GABRA4: variants seen among roughly 807,000 people sequenced by gnomAD.
The protein encoded by GABRA4 is gamma-aminobutyric acid receptor subunit alpha-4.
Under a neutral mutation model 49.7 loss-of-function variants are expected in GABRA4, and 12 were observed. The ratio of observed to expected loss-of-function variants is 0.24; its 90% confidence interval spans 0.15 to 0.39. GABRA4 has a LOEUF of 0.39. GABRA4 is among the 10% of genes least tolerant of loss of function. The pLI, the probability that GABRA4 is intolerant of heterozygous loss-of-function variation, is 1.00. For missense variants in GABRA4, 506 were observed against 686.0 expected (o/e 0.74, Z 2.93); for synonymous variants, 288 against 240.2 (o/e 1.20, Z -1.84).
chr4:46,990,609 A>G (rs1723709891), intron 2 of GABRA4, among the ~76,000 whole-genome samples: 1 of 151,900 alleles, frequency 6.6e-6, no homozygotes, highest in Non-Finnish European at 1.5e-5. Context: ...TACTTTTCTT[A>G]TTTTTTTTCT....
chr4:46,983,118 T>C (rs1278076262), intron 2 of GABRA4, among the ~76,000 whole-genome samples: 1 of 152,068 alleles, frequency 6.6e-6, no homozygotes, highest in Non-Finnish European at 1.5e-5. Context: ...GATTAAATAA[T>C]GTATGACAGA....
rs1721269172 is a variant in GABRA4, at chr4:46,927,501, C to G, written c.*724G>C. ...AGTTTCTAGCATAGTTCCTGGAACA[C>G]AGTAGGCTCTGAATAACTATGTAGT... On this transcript the variant is annotated 3_prime_UTR_variant, in exon 9 of 9. Coordinates refer to ENST00000264318, the MANE Select transcript of GABRA4 (RefSeq NM_000809.4). 1 of 152,408 alleles carries G rather than the reference C, an allele frequency of 6.6e-6. No homozygotes were observed. The highest frequency in any genetic ancestry group is 2.4e-5 in the African/African-American group (1 of 41,412). The allele number at this position is 152,408 out of a possible 1,614,324, so 9.4% of individuals were successfully genotyped here.
At chr4:46,990,714 A>G (rs1463848042) in intron 2 of GABRA4, among the ~76,000 whole-genome samples, 1 of 152,178 alleles carries the variant, frequency 6.6e-6, no homozygotes, top group African/African-American at 2.4e-5. Context: ...CATCTGAACG[A>G]TTCTCCACAA....
chr4:46,944,840 T>C (rs999016764), intron 8 of GABRA4, among the ~76,000 whole-genome samples: 1 of 152,154 alleles, frequency 6.6e-6, no homozygotes, highest in Non-Finnish European at 1.5e-5. Flanking sequence ...AGCACGCTTG[T>C]GTGAGTGCCC....
chr4:46,965,556 G>C (rs2280073), intron 7 of GABRA4, among the ~76,000 whole-genome samples: 78,993 of 151,492 alleles, frequency 0.52, 20,915 homozygotes, highest in East Asian at 0.7. Flanking sequence ...TGTAACGCAC[G>C]TAGCACACAG....
intron 2 of GABRA4, among the ~76,000 whole-genome samples, chr4:46,985,945 A>G (rs1723518735): frequency 6.6e-6 from 1 of 152,024 alleles, no homozygotes; most frequent in Admixed American, 6.6e-5. Flanking sequence ...AGAAAGAAAG[A>G]AAGAAAAACA....
At chr4:46,950,936 T>C (rs1043490212) in intron 8 of GABRA4, among the ~76,000 whole-genome samples, 1 of 151,874 alleles carries the variant, frequency 6.6e-6, no homozygotes, top group Non-Finnish European at 1.5e-5. Flanking sequence ...CCTTCACTCA[T>C]AGCCAGAAAA....
chr4:46,980,831 T>C (rs1249657718), intron 2 of GABRA4, among the ~76,000 whole-genome samples: 1 of 152,052 alleles, frequency 6.6e-6, no homozygotes, highest in East Asian at 1.9e-4. Flanking sequence ...GTGAAACAAA[T>C]CACTGTGTTA....
In GABRA4 at chr4:46,992,887, G is replaced by C; in HGVS notation, c.146C>G (p.Thr49Ser). Residue 49 changes from threonine to serine, a missense_variant, in exon 2 of 9, where the codon ACC becomes AGC. Thr to Ser is a moderately conservative substitution (Grantham distance 58). Transcript: ENST00000264318. The stretch of plus-strand genomic sequence containing the variant: ...ATCGAGCAAACTGTCCAGGATGCGG[G>C]TGAAATTTTCTGTGCACAATTTCTC... ...KEEKLCTENF[T>S]RILDSLLDGY... 6.2e-7 allele frequency: 1 copy of C among 1,612,802 alleles called. No individual in the cohort carries two copies. Among genetic ancestry groups the C allele is most frequent in the Non-Finnish European group, 8.5e-7 (1 of 1,179,672 alleles).
intron 8 of GABRA4, among the ~76,000 whole-genome samples, chr4:46,963,402 G>T (rs907922419): frequency 6.6e-6 from 1 of 151,698 alleles, no homozygotes; most frequent in African/African-American, 2.4e-5. Context: ...GAATCATGGG[G>T]GACAGTCTTT....
Position 46,922,164 on chromosome 4 carries a change from G to A in GABRA4, c.*6061C>T, listed in dbSNP as rs913168687. 3 of 152,126 alleles carry A rather than the reference G, an allele frequency of 2.0e-5. No individual in the cohort carries two copies. The highest frequency in any genetic ancestry group is 1.5e-5 in the Non-Finnish European group (1 of 68,030). 9.4% of individuals were successfully genotyped at this position (152,126 alleles called of 1,614,324 possible). A position where few individuals can be genotyped will look rare whatever the true frequency, so the allele number is the denominator to read the frequency against. ...AGAATACTAAGGCTAATGTGGGGAA[G>A]GGGGTGGGACTACAAGCAATAATCA... On this transcript the variant is annotated 3_prime_UTR_variant, in exon 9 of 9. Transcript: ENST00000264318.
chr4:46,938,749 T>C (rs1345828434), intron 8 of GABRA4, among the ~76,000 whole-genome samples: 1 of 152,090 alleles, frequency 6.6e-6, no homozygotes, highest in Non-Finnish European at 1.5e-5. Flanking sequence ...GAGTTTATTA[T>C]CCAGGTCAAG....
At chr4:46,991,337 C>T (rs992488806) in intron 2 of GABRA4, among the ~76,000 whole-genome samples, 3 of 152,198 alleles carry the variant, frequency 2.0e-5, no homozygotes, top group African/African-American at 7.2e-5. Context: ...ATATACATCA[C>T]TTTCCCTTTC....
chr4:46,947,453 C>T (rs183042926), intron 8 of GABRA4, among the ~76,000 whole-genome samples: 2 of 151,900 alleles, frequency 1.3e-5, no homozygotes, highest in African/African-American at 4.8e-5. Context: ...CTAACATATT[C>T]CAGTTTAAAA....
intron 7 of GABRA4, among the ~76,000 whole-genome samples, chr4:46,969,795 A>G (rs748039934): frequency 6.6e-6 from 1 of 151,354 alleles, no homozygotes; most frequent in Admixed American, 6.6e-5. Flanking sequence ...TACAGCTTAG[A>G]TTTGTTTTTT....
Position 46,925,834 on chromosome 4 carries a change from T to C in GABRA4, c.*2391A>G, listed in dbSNP as rs372102773. On this transcript the variant is annotated 3_prime_UTR_variant, in exon 9 of 9. Coordinates refer to ENST00000264318, the MANE Select transcript of GABRA4 (RefSeq NM_000809.4). Reference sequence around the variant, plus strand: ...TGTTTAAGCTTTCTGGTTAATGTGTTCTTCAAATTAACAATTAAGAATCCT... The same window carrying C: ...TGTTTAAGCTTTCTGGTTAATGTGTCCTTCAAATTAACAATTAAGAATCCT... 26 of 150,350 alleles carry C rather than the reference T, an allele frequency of 1.7e-4. No homozygotes were observed. In the East Asian group the frequency reaches 3.1e-3, roughly 18 times the overall value. The allele number at this position is 150,350 out of a possible 1,614,324, so 9.3% of individuals were successfully genotyped here.
At chr4:46,957,222 C>T (rs1043086982) in intron 8 of GABRA4, among the ~76,000 whole-genome samples, 4 of 151,482 alleles carry the variant, frequency 2.6e-5, no homozygotes, top group Non-Finnish European at 5.9e-5. Context: ...TCCTAGAGCT[C>T]GGTCAGAATG....
rs1378831509 is a variant in GABRA4 at position 46,924,227 on chromosome 4, T to A, written c.*3998A>T. 6.6e-6 allele frequency: 1 copy of A among 152,118 alleles called. No individual in the cohort carries two copies. The highest frequency in any genetic ancestry group is 1.5e-5 in the Non-Finnish European group (1 of 67,980). 9.4% of individuals were successfully genotyped at this position (152,118 alleles called of 1,614,324 possible). On this transcript the variant is annotated 3_prime_UTR_variant, in exon 9 of 9. Coordinates refer to ENST00000264318, the MANE Select transcript of GABRA4 (RefSeq NM_000809.4). The stretch of plus-strand genomic sequence containing the variant: ...ATATTATTACTACTGATTCTATTAA[T>A]TTATTTAAAATTTGTATATTCTGTT...
Position 46,924,249 on chromosome 4 carries a change from T to C in GABRA4, c.*3976A>G, listed in dbSNP as rs1721133059. 1 of 152,158 alleles carries C rather than the reference T, an allele frequency of 6.6e-6. No homozygotes were observed. The highest frequency in any genetic ancestry group is 1.5e-5 in the Non-Finnish European group (1 of 68,002). 9.4% of individuals were successfully genotyped at this position (152,158 alleles called of 1,614,324 possible). The stretch of plus-strand genomic sequence containing the variant: ...TAATTTATTTAAAATTTGTATATTC[T>C]GTTCATCATAAATCTTTTGCATTAA... On this transcript the variant is annotated 3_prime_UTR_variant, in exon 9 of 9. Coordinates refer to ENST00000264318, the MANE Select transcript of GABRA4 (RefSeq NM_000809.4).
Sources: allele counts gnomAD v4.1 joint callset (sites outside exome capture counted in the v4.1 genomes callset), GRCh38; gene constraint gnomAD v4.1.1; transcripts MANE v1.5; gene names NCBI Gene and HGNC (gene_info 2026-07-23, HGNC 2026-07-21).